Variants in DCDC1 observed in about 807,000 individuals in gnomAD.
DCDC1 encodes the protein doublecortin domain-containing protein 1.
DCDC1 carries 200 observed loss-of-function variants against 178.3 expected under a neutral mutation model. That is an observed-to-expected ratio of 1.12 (90% CI 1.00 to 1.26). The LOEUF (loss-of-function observed/expected upper bound fraction) is 1.26, where lower values mean the gene tolerates loss of function less well. DCDC1 is among the 50% of genes most tolerant of loss of function. The probability of loss-of-function intolerance (pLI) is 0.00; values close to 1 mark genes in which losing one functional copy is unlikely to be tolerated. For missense variants in DCDC1, 1,983 were observed against 1,749.2 expected (o/e 1.13, Z -2.38); for synonymous variants, 690 against 604.8 (o/e 1.14, Z -2.07).
chr11:30,960,590 G>A (rs995583724), intron 20 of DCDC1, among the ~76,000 whole-genome samples: 1 of 152,134 alleles, frequency 6.6e-6, no homozygotes, highest in Non-Finnish European at 1.5e-5. Context: ...GCACTAGGTG[G>A]AGACAGTGAT....
At position 31,165,038 on chromosome 11, in the gene DCDC1, A is replaced by G. The variant is rs1187006110; in HGVS notation, c.1222-27254T>C. ...ACAGTATTCAGTAAAGTAATATGCT[A>G]TACAGGTTTGTAGCCTAGGAGCAAA... On this transcript the variant is annotated intron_variant, in intron 9 of 38. Transcript: ENST00000684477. Among the ~76,000 whole-genome samples, 3 of 152,174 alleles carry G rather than the reference A, an allele frequency of 2.0e-5. No homozygotes were observed. In the East Asian group the frequency reaches 5.8e-4, roughly 29 times the overall value.
intron 1 of DCDC1, among the ~76,000 whole-genome samples, chr11:31,348,554 G>A (rs1174509202): frequency 6.6e-6 from 1 of 152,088 alleles, no homozygotes; most frequent in Admixed American, 6.6e-5. Context: ...CACTCAACAT[G>A]CCCTCACCTA....
intron 8 of DCDC1, among the ~76,000 whole-genome samples, chr11:31,254,363 G>A (rs1407704982): frequency 6.6e-6 from 1 of 152,160 alleles, no homozygotes; most frequent in Admixed American, 6.6e-5. Context: ...TTTCTTTAAT[G>A]TGAAAATCGA....
intron 20 of DCDC1, among the ~76,000 whole-genome samples, chr11:31,003,859 C>T (rs142376630): frequency 1.1e-3 from 172 of 152,206 alleles, no homozygotes; most frequent in African/African-American, 2.5e-3. Flanking sequence ...CTGAAGGAAG[C>T]GTAATCAATT....
intron 9 of DCDC1, among the ~76,000 whole-genome samples, chr11:31,227,964 TTAAAA>T (rs1975224850): frequency 2.0e-5 from 3 of 152,008 alleles, no homozygotes; most frequent in Admixed American, 2.0e-4. Context: ...TATAGCAATC[TTAAAA>T]TAATACAAAC....
intron 20 of DCDC1, among the ~76,000 whole-genome samples, chr11:30,959,717 A>G (rs2134562292): frequency 6.6e-6 from 1 of 152,162 alleles, no homozygotes; most frequent in South Asian, 2.1e-4. Flanking sequence ...AGTGAGGGGG[A>G]CTCAATGCCT....
chr11:30,891,106 G>A (rs1320236754), intron 36 of DCDC1, among the ~76,000 whole-genome samples: 1 of 152,070 alleles, frequency 6.6e-6, no homozygotes, highest in Non-Finnish European at 1.5e-5. Flanking sequence ...GTAAACCTTG[G>A]ATATAGTTTT....
chr11:31,278,095 AT>A lies in DCDC1; in HGVS notation c.961-12496del, dbSNP rs559103394. ...ATGAATGATTGTGAGGTAAGTTCTTATCACACAGAAATATCCAATTGTTTCA... is the reference window on the plus strand; with the variant it reads ...ATGAATGATTGTGAGGTAAGTTCTTACACACAGAAATATCCAATTGTTTCA... On this transcript the variant is annotated intron_variant, in intron 7 of 38. Coordinates refer to ENST00000684477, the MANE Select transcript of DCDC1 (RefSeq NM_001387274.1). Among the ~76,000 whole-genome samples the A allele has an allele frequency of 2.0e-5, 3 of 152,250 alleles. No homozygotes were observed. In the South Asian group the frequency reaches 6.2e-4, roughly 32 times the overall value.
chr11:31,133,787 T>A (rs1962766422), intron 10 of DCDC1, among the ~76,000 whole-genome samples: 1 of 152,180 alleles, frequency 6.6e-6, no homozygotes, highest in Non-Finnish European at 1.5e-5. Context: ...CACTGCAACT[T>A]CCACCTCCCG....
intron 28 of DCDC1, 109 bp from the exon 29 acceptor site, chr11:30,909,225 C>A: frequency 1.1e-6 from 1 of 879,506 alleles, no homozygotes. Context: ...CATAATCCCA[C>A]CACACAGTGA....
intron 7 of DCDC1, among the ~76,000 whole-genome samples, chr11:31,276,407 C>T (rs1945987889): frequency 1.3e-5 from 2 of 151,984 alleles, no homozygotes; most frequent in African/African-American, 2.4e-5. Flanking sequence ...ATTAATTGTA[C>T]TTGCTCAGTA....
chr11:31,013,909 C>T (rs545289422), intron 20 of DCDC1, among the ~76,000 whole-genome samples: 2 of 152,272 alleles, frequency 1.3e-5, no homozygotes, highest in East Asian at 3.9e-4. Flanking sequence ...ACCATCAGGG[C>T]AGGAAATAGT....
intron 6 of DCDC1, among the ~76,000 whole-genome samples, chr11:31,300,614 C>T (rs1948040198): frequency 6.6e-6 from 1 of 152,042 alleles, no homozygotes; most frequent in Non-Finnish European, 1.5e-5. Flanking sequence ...TAATGCATTT[C>T]TCACAACTCT....
chr11:31,286,852 T>G (rs747872552), intron 7 of DCDC1, among the ~76,000 whole-genome samples: 6 of 152,080 alleles, frequency 3.9e-5, no homozygotes, highest in Non-Finnish European at 8.8e-5. Context: ...CTGGAGAGAC[T>G]AAACCTCTTA....
Position 31,137,722 on chromosome 11 carries a change from C to T in DCDC1, c.1284G>A (p.Thr428=), listed in dbSNP as rs781303769. The T allele has an allele frequency of 5.1e-5, 36 of 702,558 alleles. No individual in the cohort carries two copies. The highest frequency in any genetic ancestry group is 4.6e-4 in the South Asian group (31 of 67,538). 43.5% of individuals were successfully genotyped at this position (702,558 alleles called of 1,614,324 possible). A position where few individuals can be genotyped will look rare whatever the true frequency, so the allele number is the denominator to read the frequency against. ...KITEKVILSM[T]AKEHHKEQEE... ...CCTGTTCCTTATGGTGTTCCTTTGC[C>T]GTCATTGAAAGAATGACTTTTTCTG... Residue 428 remains threonine (T), a synonymous_variant, in exon 10 of 39, where the codon ACG becomes ACA. Coordinates refer to ENST00000684477, the MANE Select transcript of DCDC1 (RefSeq NM_001387274.1).
intron 19 of DCDC1, 28 bp from the exon 20 acceptor site, chr11:31,064,654 A>G: frequency 1.3e-6 from 1 of 763,242 alleles, no homozygotes. Flanking sequence ...GGAATCATGT[A>G]GCTAATTTTC....
chr11:30,871,105 A>G (rs567532258), intron 38 of DCDC1, among the ~76,000 whole-genome samples: 2 of 152,344 alleles, frequency 1.3e-5, no homozygotes, highest in African/African-American at 4.8e-5. Flanking sequence ...ACACAAAGAA[A>G]GTAGTTCAGA....
At chr11:31,207,525 A>G (rs543746425) in intron 9 of DCDC1, among the ~76,000 whole-genome samples, 3 of 152,308 alleles carry the variant, frequency 2.0e-5, no homozygotes, top group Non-Finnish European at 2.9e-5. Flanking sequence ...GCACACCTGC[A>G]TGTGTGCTCA....
chr11:31,109,908 T>C (rs1322978488), intron 12 of DCDC1, among the ~76,000 whole-genome samples: 1 of 152,124 alleles, frequency 6.6e-6, no homozygotes. Flanking sequence ...ACTCAGAATC[T>C]AGGGTTTAGA....
Sources: gnomAD v4.1 joint callset for allele counts (sites outside exome capture counted in the v4.1 genomes callset) on GRCh38, gnomAD v4.1.1 for gene constraint, MANE v1.5 for transcripts, NCBI Gene and HGNC (gene_info 2026-07-23, HGNC 2026-07-21) for gene names.